GABRD: variants seen among roughly 807,000 people sequenced by gnomAD.
GABRD encodes gamma-aminobutyric acid type A receptor subunit delta, also known as gamma-aminobutyric acid receptor subunit delta.
GABRD carries 25 observed loss-of-function variants against 47.3 expected under a neutral mutation model. That is an observed-to-expected ratio of 0.53 (90% CI 0.39 to 0.74). The LOEUF (loss-of-function observed/expected upper bound fraction) is 0.74. Ranked by LOEUF, GABRD falls within the 30% of genes least tolerant of loss-of-function variation. GABRD has a pLI of 0.00. For missense variants in GABRD, 497 were observed against 643.4 expected (o/e 0.77, Z 2.46); for synonymous variants, 314 against 278.8 (o/e 1.13, Z -1.26).
At chr1:2,025,282 C>T in intron 2 of GABRD, 52 bp from the exon 3 acceptor site, 2 of 1,601,800 alleles carry the variant, frequency 1.2e-6, no homozygotes, top group South Asian at 1.1e-5. Flanking sequence ...CCCATCGTGG[C>T]TCCCATGCTG....
intron 4 of GABRD, chr1:2,026,688 C>T (rs968867318): frequency 5.9e-5 from 9 of 151,900 alleles, no homozygotes; most frequent in African/African-American, 2.2e-4. Flanking sequence ...ACAAAAGATT[C>T]GCTGGGCGTG....
At chr1:2,025,888 A>G in intron 4 of GABRD, 150 bp downstream of exon 4, 1 of 641,914 alleles carries the variant, frequency 1.6e-6, no homozygotes, top group Non-Finnish European at 2.7e-6. Context: ...CTGCGCGGTT[A>G]TTTATATCCC....
rs866487320 is a variant in GABRD, at chr1:2,030,242, C to T, written c.1319C>T (p.Ala440Val). ...YARAVFPAAF[A>V]AVNVIYWAAY... is the part of the protein sequence containing the mutation. The stretch of plus-strand genomic sequence containing the variant: ...CGCGCTGTGTTCCCTGCGGCGTTTG[C>T]GGCCGTCAATGTCATCTACTGGGCG... Residue 440 changes from alanine to valine, a missense_variant, in exon 9 of 9, where the codon GCG becomes GTG. By Grantham distance (64) the Ala-to-Val change is moderately conservative. This residue lies in a region of GABRD where 121 missense variants were observed against 121.3 expected (regional missense o/e 1.00). Transcript: ENST00000378585. The T allele has an allele frequency of 7.7e-6, 12 of 1,561,418 alleles. No individual in the cohort carries two copies. The highest frequency in any genetic ancestry group is 2.3e-5 in the East Asian group (1 of 43,990).
At chr1:2,019,950 G>A (rs532472263) in intron 1 of GABRD, among the ~76,000 whole-genome samples, 62 of 152,336 alleles carry the variant, frequency 4.1e-4, no homozygotes, top group African/African-American at 1.3e-3. Context: ...TTCCCCAGCC[G>A]GAGGGTCTGG....
At position 2,022,404 on chromosome 1, in the gene GABRD, G is replaced by T. The variant is rs373380587; in HGVS notation, c.69-2538G>T. 7.0e-4 allele frequency: 106 copies of T among 152,516 alleles called. 1 individual carries two copies. The South Asian group carries it at 0.015, about 22-fold the overall frequency. 9.4% of individuals were successfully genotyped at this position (152,516 alleles called of 1,614,324 possible). A position where few individuals can be genotyped will look rare whatever the true frequency, so the allele number is the denominator to read the frequency against. ...GGGGCTCTCCTAGGTGAGAAATGGCGTGGGGGTGGGAGCCTGCTTCCTTCT... is the reference window on the plus strand; with the variant it reads ...GGGGCTCTCCTAGGTGAGAAATGGCTTGGGGGTGGGAGCCTGCTTCCTTCT... On this transcript the variant is annotated intron_variant, in intron 1 of 8. Transcript: ENST00000378585.
chr1:2,028,322 G>A lies in GABRD; in HGVS notation c.691+30G>A. On this transcript the variant is annotated intron_variant, in intron 6 of 8. Coordinates refer to ENST00000378585, the MANE Select transcript of GABRD (RefSeq NM_000815.5). The surrounding 1 kb of genome is among the most constrained non-coding windows in gnomAD (Gnocchi z 6.4). The stretch of plus-strand genomic sequence containing the variant: ...CATATGCCCGCCGCCCCTTCCGCAT[G>A]TGCCCGCCGCCCCTTCCGCGCGCGC... 1 of 1,592,518 alleles carries A rather than the reference G, an allele frequency of 6.3e-7. No homozygotes were observed. The highest frequency in any genetic ancestry group is 8.6e-7 in the Non-Finnish European group (1 of 1,168,108).
At chr1:2,024,669 C>G (rs999785276) in intron 1 of GABRD, 2 of 294,932 alleles carry the variant, frequency 6.8e-6, no homozygotes, top group African/African-American at 4.4e-5. Context: ...CCAGGGCCAC[C>G]TCCCTCAAAG....
intron 5 of GABRD, 24 bp downstream of exon 5, chr1:2,027,683 A>G: frequency 6.2e-7 from 1 of 1,604,648 alleles, no homozygotes; most frequent in South Asian, 1.1e-5. Flanking sequence ...CAAGGCGGGT[A>G]GGGGCTTCTC....
Position 2,025,071 on chromosome 1 carries a change from G to C in GABRD, c.181+17G>C. On this transcript the variant is annotated intron_variant, in intron 2 of 8. Transcript: ENST00000378585. ...GCATCGGAGGTGAGGGGCGGTCCAG[G>C]CCCGGCAGGCAGGAGCCGCTGGAGC... The C allele has an allele frequency of 6.3e-7, 1 of 1,597,962 alleles. No homozygotes were observed. The highest frequency in any genetic ancestry group is 8.6e-7 in the Non-Finnish European group (1 of 1,169,002).
Position 2,030,293 on chromosome 1 carries a change from C to A in GABRD, c.*11C>A. The A allele has an allele frequency of 6.6e-7, 1 of 1,504,294 alleles. No homozygotes were observed. Among genetic ancestry groups the A allele is most frequent in the Non-Finnish European group, 8.9e-7 (1 of 1,126,008 alleles). The allele number at this position is 1,504,294 out of a possible 1,614,324, so 93.2% of individuals were successfully genotyped here. A position where few individuals can be genotyped will look rare whatever the true frequency, so the allele number is the denominator to read the frequency against. ...GCATACGCCATGTGAGCACAGGACT[C>A]AGGCCACCCTCGCTTGTCCTGGCGC... On this transcript the variant is annotated 3_prime_UTR_variant, in exon 9 of 9. Coordinates refer to ENST00000378585, the MANE Select transcript of GABRD (RefSeq NM_000815.5).
rs188089835 is a variant in GABRD, at chr1:2,025,294, G to A, written c.182-40G>A. The A allele has an allele frequency of 2.5e-5, 41 of 1,610,884 alleles. No individual in the cohort carries two copies. The Admixed American group carries it at 5.3e-4, about 21-fold the overall frequency. ...GGTCCCATCGTGGCTCCCATGCTGG[G>A]CCGGCCTCAGTCCTTCTTAGTTCTG... On this transcript the variant is annotated intron_variant, in intron 2 of 8. Coordinates refer to ENST00000378585, the MANE Select transcript of GABRD (RefSeq NM_000815.5).
chr1:2,025,802 A>G (rs2102148278), intron 4 of GABRD, 64 bp downstream of exon 4: 2 of 1,477,352 alleles, frequency 1.4e-6, no homozygotes, highest in Non-Finnish European at 1.9e-6. Context: ...CGGCGCCTGG[A>G]CGCTCCAAGG....
Position 2,029,645 on chromosome 1 carries a change from C to T in GABRD, c.942C>T (p.Phe314=), listed in dbSNP as rs139676179. 99 of 1,613,544 alleles carry T rather than the reference C, an allele frequency of 6.1e-5. No individual in the cohort carries two copies. The East Asian group carries it at 1.6e-3, about 25-fold the overall frequency. The change falls in exon 8 of 9, where the codon TTC becomes TTT. Residue 314 remains phenylalanine, a synonymous_variant. Transcript: ENST00000378585. ...CCATCAAGGCACTGGACGTCTACTT[C>T]TGGATCTGCTATGTCTTCGTGTTTG... is the stretch of plus-strand genomic sequence containing the variant. ...ASAIKALDVY[F]WICYVFVFAA... is the part of the protein sequence containing the mutation.
In GABRD at chr1:2,028,422, G is replaced by GC. The variant is rs138736063; in HGVS notation, c.691+131dup. On this transcript the variant is annotated intron_variant, in intron 6 of 8. Transcript: ENST00000378585. The surrounding 1 kb of genome is among the most constrained non-coding windows in gnomAD (Gnocchi z 6.4). ...TGTGGTTTTCATGCTTTTTAGTCAA[G>GC]CGCCCGCAGGCCCCCAGGGCCTCTG... 202,643 of 999,660 alleles carry GC rather than the reference G, an allele frequency of 0.2. 29,267 individuals are homozygous for GC. Among genetic ancestry groups the GC allele is most frequent in the East Asian group, 0.46 (11,318 of 24,530 alleles). The allele number at this position is 999,660 out of a possible 1,614,324, so 61.9% of individuals were successfully genotyped here.
chr1:2,020,253 G>A (rs1658738424), intron 1 of GABRD, among the ~76,000 whole-genome samples: 1 of 152,226 alleles, frequency 6.6e-6, no homozygotes, highest in African/African-American at 2.4e-5. Context: ...AGCCACCCAG[G>A]CAACTTGGCC....
At chr1:2,025,852 C>A (rs1234632160) in intron 4 of GABRD, 114 bp downstream of exon 4, 1 of 891,974 alleles carries the variant, frequency 1.1e-6, no homozygotes. Flanking sequence ...CGGGAGCTGG[C>A]GGGCGGGCGG....
chr1:2,030,270 A>G lies in GABRD; in HGVS notation c.1347A>G (p.Ala449=), dbSNP rs1279862978. The G allele has an allele frequency of 6.5e-7, 1 of 1,548,580 alleles. No individual in the cohort carries two copies. Residue 449 remains alanine (A), a synonymous_variant, in exon 9 of 9, where the codon GCA becomes GCG. Transcript: ENST00000378585. ...FAAVNVIYWA[A]YAM Reference sequence around the variant, plus strand: ...CCGTCAATGTCATCTACTGGGCGGCATACGCCATGTGAGCACAGGACTCAG... The same window carrying G: ...CCGTCAATGTCATCTACTGGGCGGCGTACGCCATGTGAGCACAGGACTCAG...
In GABRD at chr1:2,026,079, C is replaced by T. The variant is rs140140486; in HGVS notation, c.470+341C>T. Among the ~76,000 whole-genome samples the T allele has an allele frequency of 6.0e-3, 909 of 152,282 alleles. 8 individuals carry two copies. Among genetic ancestry groups the T allele is most frequent in the Non-Finnish European group, 0.01 (699 of 68,016 alleles). On this transcript the variant is annotated intron_variant, in intron 4 of 8. Transcript: ENST00000378585. Reference sequence around the variant, plus strand: ...TGGCAGATTCGCCACGTTGTGCAACCCCACCTCTGTCTGGTCCAAAACATT... The same window carrying T: ...TGGCAGATTCGCCACGTTGTGCAACTCCACCTCTGTCTGGTCCAAAACATT...
chr1:2,028,108 C>G lies in GABRD; in HGVS notation c.554-47C>G. 6.3e-7 allele frequency: 1 copy of G among 1,583,192 alleles called. No homozygotes were observed. The highest frequency in any genetic ancestry group is 8.6e-7 in the Non-Finnish European group (1 of 1,160,936). The stretch of plus-strand genomic sequence containing the variant: ...GACGGAGCGCTCCTGCCAGGGCTCC[C>G]GGGGCAGGGCCGGGCTCTGCCGCCC... On this transcript the variant is annotated intron_variant, in intron 5 of 8. Coordinates refer to ENST00000378585, the MANE Select transcript of GABRD (RefSeq NM_000815.5). This position sits in a 1 kb window ranked among gnomAD's most constrained non-coding sequence, Gnocchi z 6.4.
Sources: gnomAD v4.1 joint callset for allele counts (sites outside exome capture counted in the v4.1 genomes callset) on GRCh38, gnomAD v4.1.1 for gene constraint, gnomAD v4.1.1 regional missense constraint, Gnocchi (gnomAD v3.1) non-coding constraint, MANE v1.5 for transcripts, NCBI Gene and HGNC (gene_info 2026-07-23, HGNC 2026-07-21) for gene names.